The following CFAP77 variants were observed in gnomAD, a reference collection of about 807,000 sequenced individuals.
The protein encoded by CFAP77 is cilia- and flagella-associated protein 77.
A neutral mutation model predicts 31.1 loss-of-function variants in CFAP77; 25 were observed. The ratio of observed to expected loss-of-function variants is 0.80; its 90% confidence interval spans 0.59 to 1.12. The LOEUF is 1.12. Ranked by LOEUF, CFAP77 falls within the 50% of genes most tolerant of loss-of-function variation. CFAP77 has a pLI of 0.00. For missense variants in CFAP77, 377 were observed against 397.3 expected (o/e 0.95, Z 0.44); for synonymous variants, 151 against 159.9 (o/e 0.94, Z 0.42).
At chr9:132,563,357 T>C (rs1022599159) in intron 5 of CFAP77, among the ~76,000 whole-genome samples, 3 of 152,088 alleles carry the variant, frequency 2.0e-5, no homozygotes, top group Non-Finnish European at 4.4e-5. Flanking sequence ...AGGAACGAAG[T>C]TTCAGATTTT....
chr9:132,557,315 G>A (rs1852920756), intron 5 of CFAP77, among the ~76,000 whole-genome samples: 1 of 152,224 alleles, frequency 6.6e-6, no homozygotes, highest in Non-Finnish European at 1.5e-5. Flanking sequence ...CCAAGGTGAT[G>A]GATGCTTCCA....
At chr9:132,452,390 C>T (rs574481088) in intron 1 of CFAP77, among the ~76,000 whole-genome samples, 4 of 152,168 alleles carry the variant, frequency 2.6e-5, no homozygotes, top group African/African-American at 7.2e-5. Context: ...GACCCCTTCC[C>T]GTGCCCCTGC....
chr9:132,518,086 G>C (rs1852180601), intron 3 of CFAP77, among the ~76,000 whole-genome samples: 1 of 152,094 alleles, frequency 6.6e-6, no homozygotes, highest in African/African-American at 2.4e-5. Flanking sequence ...CTTAGCAGGG[G>C]CCCTGTCATC....
intron 5 of CFAP77, 32 bp downstream of exon 5, chr9:132,543,079 G>T: frequency 6.3e-7 from 1 of 1,576,078 alleles, no homozygotes; most frequent in Non-Finnish European, 8.7e-7. Context: ...ACCCCTCCCT[G>T]CACCTTGCTG....
At chr9:132,569,631 G>T (rs181264202) in intron 5 of CFAP77, among the ~76,000 whole-genome samples, 1 of 152,024 alleles carries the variant, frequency 6.6e-6, no homozygotes, top group Non-Finnish European at 1.5e-5. Context: ...AAGGCCAGGG[G>T]TGCCTCAGGT....
intron 5 of CFAP77, among the ~76,000 whole-genome samples, chr9:132,557,791 C>T (rs950547767): frequency 1.3e-5 from 2 of 152,180 alleles, no homozygotes; most frequent in Non-Finnish European, 2.9e-5. Flanking sequence ...TCTGCATCCT[C>T]CCCTTGCTCC....
intron 4 of CFAP77, among the ~76,000 whole-genome samples, chr9:132,538,785 G>T (rs1001005944): frequency 2.1e-5 from 3 of 145,816 alleles, no homozygotes; most frequent in Admixed American, 6.8e-5. Context: ...CAAAAGAAAA[G>T]ATACTAGAAT....
intron 3 of CFAP77, among the ~76,000 whole-genome samples, chr9:132,502,282 GA>G (rs1473323935): frequency 1.7e-4 from 20 of 121,130 alleles, no homozygotes; most frequent in East Asian, 2.6e-4. Context: ...TTTTTTGGGG[GA>G]GGGGGGTGGT....
intron 1 of CFAP77, among the ~76,000 whole-genome samples, chr9:132,494,463 T>C (rs7865628): frequency 0.023 from 3,468 of 152,286 alleles, 113 homozygotes; most frequent in African/African-American, 0.08. Context: ...GTGTTATGAA[T>C]ATGTCACAAA....
At chr9:132,507,331 C>T (rs540052493) in intron 3 of CFAP77, among the ~76,000 whole-genome samples, 31 of 152,278 alleles carry the variant, frequency 2.0e-4, no homozygotes, top group African/African-American at 2.6e-4. Flanking sequence ...CCAGTTGCCA[C>T]GTGCAACCTG....
chr9:132,413,189 AAACTC>A (rs1422128616), intron 1 of CFAP77, among the ~76,000 whole-genome samples: 2 of 152,202 alleles, frequency 1.3e-5, no homozygotes, highest in African/African-American at 4.8e-5. Context: ...CTGACTGAAC[AAACTC>A]AACAGTGTTA....
chr9:132,486,008 A>G (rs796075027), intron 1 of CFAP77, among the ~76,000 whole-genome samples: 12,786 of 30,272 alleles, frequency 0.42, 2,485 homozygotes, highest in East Asian at 0.59. Flanking sequence ...ATATATATAT[A>G]TATATATATA....
At chr9:132,486,707 C>G (rs1229379205) in intron 1 of CFAP77, among the ~76,000 whole-genome samples, 1 of 152,272 alleles carries the variant, frequency 6.6e-6, no homozygotes, top group Non-Finnish European at 1.5e-5. Flanking sequence ...GCGGATGCAT[C>G]CCCGCACCTC....
At chr9:132,411,947 TATATACATGTATGCATATGTATA>T (rs1189494977) in intron 1 of CFAP77, among the ~76,000 whole-genome samples, 1 of 152,220 alleles carries the variant, frequency 6.6e-6, no homozygotes, top group African/African-American at 2.4e-5. Context: ...ACATCTATCA[TATATACATGTATGCATATGTATA>T]ATATACATGT....
At chr9:132,420,772 C>T (rs971694172) in intron 1 of CFAP77, among the ~76,000 whole-genome samples, 2 of 152,158 alleles carry the variant, frequency 1.3e-5, no homozygotes, top group African/African-American at 4.8e-5. Flanking sequence ...AGGCACAGTA[C>T]CAGGCACCAA....
At chr9:132,435,076 C>G (rs1030463004) in intron 1 of CFAP77, among the ~76,000 whole-genome samples, 1 of 152,138 alleles carries the variant, frequency 6.6e-6, no homozygotes, top group Non-Finnish European at 1.5e-5. Flanking sequence ...CCCTTTCTTC[C>G]GCCGCCTTGG....
At chr9:132,477,513 C>T (rs947820919) in intron 1 of CFAP77, among the ~76,000 whole-genome samples, 1 of 152,168 alleles carries the variant, frequency 6.6e-6, no homozygotes, top group Non-Finnish European at 1.5e-5. Context: ...GGTGCAGTTC[C>T]CAGTGGGAGG....
chr9:132,569,734 T>C (rs1481265934), intron 5 of CFAP77, among the ~76,000 whole-genome samples: 7 of 125,144 alleles, frequency 5.6e-5, no homozygotes, highest in African/African-American at 1.7e-4. Context: ...TGCCCTTTTT[T>C]TTTTTTTTTT....
intron 1 of CFAP77, among the ~76,000 whole-genome samples, chr9:132,468,754 C>T (rs138262622): frequency 1.7e-3 from 264 of 151,480 alleles, no homozygotes; most frequent in Non-Finnish European, 3.0e-3. Flanking sequence ...TGTAGGTGCT[C>T]GGTTGGTATC....
Sources: gnomAD v4.1 joint callset for allele counts (sites outside exome capture counted in the v4.1 genomes callset) on GRCh38, gnomAD v4.1.1 for gene constraint, MANE v1.5 for transcripts, NCBI Gene and HGNC (gene_info 2026-07-23, HGNC 2026-07-21) for gene names.